The following GAP43 variants were observed in gnomAD, a reference collection of about 807,000 sequenced individuals.
GAP43 encodes neuromodulin.
In GAP43, 6 loss-of-function variants were observed where a neutral mutation model predicts 18.6. The observed-to-expected ratio is 0.32, with a 90% CI of 0.18 to 0.64. GAP43 has a LOEUF of 0.64. Among genes scored for constraint, GAP43 ranks in the 30% least tolerant of loss-of-function variants. GAP43 has a pLI of 0.78. For synonymous variants in GAP43, 115 were observed against 111.4 expected, an observed-to-expected ratio of 1.03 and a Z score of -0.20; for missense variants, 292 against 295.5, an observed-to-expected ratio of 0.99 and a Z score of 0.09.
chr3:115,696,010 A>T, intron 2 of GAP43, among the ~76,000 whole-genome samples: 1 of 151,874 alleles, frequency 6.6e-6, no homozygotes, highest in Non-Finnish European at 1.5e-5. Flanking sequence ...GAGTTACCCC[A>T]CAGCTAAGTT....
chr3:115,693,297 G>A (rs577842797), intron 2 of GAP43, among the ~76,000 whole-genome samples: 25 of 152,224 alleles, frequency 1.6e-4, no homozygotes, highest in Non-Finnish European at 3.2e-4. Flanking sequence ...ATTGTAAGAA[G>A]GTTGTCAGCT....
intron 2 of GAP43, among the ~76,000 whole-genome samples, chr3:115,679,882 A>T (rs1485787645): frequency 6.6e-6 from 1 of 152,156 alleles, no homozygotes; most frequent in Non-Finnish European, 1.5e-5. Flanking sequence ...AATGTTCTGT[A>T]TGTTGATCTT....
At chr3:115,657,321 G>A (rs1708595987) in intron 1 of GAP43, among the ~76,000 whole-genome samples, 1 of 152,298 alleles carries the variant, frequency 6.6e-6, no homozygotes, top group Non-Finnish European at 1.5e-5. Flanking sequence ...CCCCCAGGAC[G>A]AAGAAAGGAA....
intron 2 of GAP43, among the ~76,000 whole-genome samples, chr3:115,708,837 A>C (rs1339453547): frequency 6.6e-6 from 1 of 152,056 alleles, no homozygotes; most frequent in Admixed American, 6.6e-5. Context: ...AACAGCATCT[A>C]CTACAAGGAA....
intron 1 of GAP43, among the ~76,000 whole-genome samples, chr3:115,636,197 T>C (rs1027900081): frequency 6.6e-6 from 1 of 152,096 alleles, no homozygotes; most frequent in African/African-American, 2.4e-5. Flanking sequence ...AGTGTCATGT[T>C]GAACTAACTA....
chr3:115,658,143 TCAAA>T (rs952518485), intron 1 of GAP43, among the ~76,000 whole-genome samples: 1 of 152,070 alleles, frequency 6.6e-6, no homozygotes, highest in African/African-American at 2.4e-5. Context: ...GACCCCAGAC[TCAAA>T]CAAAACAAAA....
chr3:115,697,025 G>T (rs1709200840), intron 2 of GAP43, among the ~76,000 whole-genome samples: 1 of 151,622 alleles, frequency 6.6e-6, no homozygotes. Flanking sequence ...TTTGTATTTA[G>T]ATGGGGCTCC....
chr3:115,624,500 T>A (rs1363908741), intron 1 of GAP43, among the ~76,000 whole-genome samples: 1 of 152,068 alleles, frequency 6.6e-6, no homozygotes, highest in East Asian at 1.9e-4. Context: ...AGGTCTTTTC[T>A]CTTATCCCCT....
intron 2 of GAP43, among the ~76,000 whole-genome samples, chr3:115,714,551 C>A (rs773891641): frequency 6.6e-6 from 1 of 152,036 alleles, no homozygotes; most frequent in Non-Finnish European, 1.5e-5. Context: ...TAGCTTAAGC[C>A]TCTCATATAA....
intron 2 of GAP43, among the ~76,000 whole-genome samples, chr3:115,708,621 AC>A (rs1216927153): frequency 6.6e-6 from 1 of 152,190 alleles, no homozygotes; most frequent in Non-Finnish European, 1.5e-5. Context: ...CACAAACTGC[AC>A]CATAGAGGTT....
At chr3:115,636,488 C>CCT (rs1282311521) in intron 1 of GAP43, among the ~76,000 whole-genome samples, 2 of 152,022 alleles carry the variant, frequency 1.3e-5, no homozygotes, top group Admixed American at 1.3e-4. Flanking sequence ...TGAGTTAATC[C>CCT]CTCTCTTGTG....
At chr3:115,671,702 A>G (rs1313587307) in intron 1 of GAP43, among the ~76,000 whole-genome samples, 3 of 152,222 alleles carry the variant, frequency 2.0e-5, no homozygotes, top group Admixed American at 6.5e-5. Context: ...CCTCAGAAAC[A>G]TTAGAGTTCA....
chr3:115,663,231 A>G (rs1431623819), intron 1 of GAP43, among the ~76,000 whole-genome samples: 1 of 152,206 alleles, frequency 6.6e-6, no homozygotes, highest in Non-Finnish European at 1.5e-5. Flanking sequence ...ACCTCACTAC[A>G]ATTGTGAAAA....
intron 2 of GAP43, among the ~76,000 whole-genome samples, chr3:115,685,311 C>A (rs1709019449): frequency 2.0e-5 from 3 of 152,186 alleles, no homozygotes; most frequent in Admixed American, 6.5e-5. Flanking sequence ...ACATGAATGA[C>A]CTGTGGGTGG....
chr3:115,662,910 T>C (rs1708683615), intron 1 of GAP43, among the ~76,000 whole-genome samples: 1 of 152,244 alleles, frequency 6.6e-6, no homozygotes, highest in Admixed American at 6.5e-5. Flanking sequence ...GATTAGATTA[T>C]TATTAATCCC....
At chr3:115,647,761 A>AAAC (rs1553720738) in intron 1 of GAP43, among the ~76,000 whole-genome samples, 10 of 145,246 alleles carry the variant, frequency 6.9e-5, no homozygotes, top group East Asian at 5.9e-4. Flanking sequence ...AAAAAAACAA[A>AAAC]AAAAAAAAAC....
At chr3:115,700,966 CCAGT>C (rs1374509034) in intron 2 of GAP43, among the ~76,000 whole-genome samples, 1 of 151,998 alleles carries the variant, frequency 6.6e-6, no homozygotes, top group Admixed American at 6.6e-5. Flanking sequence ...CAAACATGAC[CCAGT>C]CAAATGACAG....
chr3:115,695,674 C>T (rs1433673751), intron 2 of GAP43, among the ~76,000 whole-genome samples: 3 of 152,146 alleles, frequency 2.0e-5, no homozygotes. Context: ...TATACTCTCT[C>T]CAATTTGTTT....
At chr3:115,686,926 A>G (rs1273737709) in intron 2 of GAP43, among the ~76,000 whole-genome samples, 2 of 152,184 alleles carry the variant, frequency 1.3e-5, no homozygotes, top group South Asian at 2.1e-4. Flanking sequence ...TTGTGAAACA[A>G]TGTCTTCACA....
Sources: allele counts gnomAD v4.1 joint callset (sites outside exome capture counted in the v4.1 genomes callset), GRCh38; gene constraint gnomAD v4.1.1; transcripts MANE v1.5; gene names NCBI Gene and HGNC (gene_info 2026-07-23, HGNC 2026-07-21).